Variants in UBE2E1 observed in about 807,000 individuals in gnomAD.
The protein encoded by UBE2E1 is ubiquitin conjugating enzyme E2 E1, also known as ubiquitin-conjugating enzyme E2 E1.
UBE2E1 carries 6 observed loss-of-function variants against 21.4 expected under a neutral mutation model. That is an observed-to-expected ratio of 0.28 (90% CI 0.15 to 0.55). UBE2E1 has a LOEUF of 0.55. UBE2E1 is among the 20% of genes least tolerant of loss of function. The pLI is 0.93. For missense variants in UBE2E1, 142 were observed against 236.5 expected (o/e 0.60, Z 2.62); for synonymous variants, 87 against 82.7 (o/e 1.05, Z -0.28).
chr3:23,856,609 C>T (rs1445584756), intron 3 of UBE2E1, among the ~76,000 whole-genome samples: 3 of 152,172 alleles, frequency 2.0e-5, no homozygotes, highest in Non-Finnish European at 4.4e-5. Flanking sequence ...AGTAAAGCCA[C>T]TATGGACCTC....
intron 3 of UBE2E1, among the ~76,000 whole-genome samples, chr3:23,825,494 T>C (rs923756705): frequency 6.6e-6 from 1 of 152,168 alleles, no homozygotes; most frequent in Non-Finnish European, 1.5e-5. Context: ...ATTTTATTCA[T>C]ATAGAGGGAG....
intron 3 of UBE2E1, among the ~76,000 whole-genome samples, chr3:23,846,296 C>T (rs1700201596): frequency 6.6e-6 from 1 of 152,066 alleles, no homozygotes. Context: ...GGTGCAGTGG[C>T]CCATTCCTGT....
chr3:23,827,176 T>TA lies in UBE2E1; in HGVS notation c.203+15674dup, dbSNP rs551604531. Among the ~76,000 whole-genome samples the TA allele has an allele frequency of 1.5e-3, 230 of 151,306 alleles. 1 individual carries two copies. Among genetic ancestry groups the TA allele is most frequent in the African/African-American group, 5.2e-3 (214 of 41,222 alleles). ...CTCAAAGGGAAAAACCACCAAATAA[T>TA]AAAAAAAATCAAAATACAAAAAAAA... On this transcript the variant is annotated intron_variant, in intron 3 of 5. Transcript: ENST00000306627.
chr3:23,889,642 A>G (rs1449104242), intron 5 of UBE2E1: 1 of 985,370 alleles, frequency 1.0e-6, no homozygotes, highest in Middle Eastern at 5.2e-4. Context: ...GGGTTCAGTG[A>G]GCATGTGTCC....
chr3:23,822,099 G>A (rs1699657827), intron 3 of UBE2E1, among the ~76,000 whole-genome samples: 2 of 152,148 alleles, frequency 1.3e-5, no homozygotes, highest in South Asian at 4.1e-4. Flanking sequence ...AGAGAGTGTG[G>A]TATTAGAAAG....
intron 3 of UBE2E1, among the ~76,000 whole-genome samples, chr3:23,822,483 C>T (rs1455008839): frequency 2.6e-5 from 4 of 151,928 alleles, no homozygotes; most frequent in Non-Finnish European, 5.9e-5. Flanking sequence ...CTGATCTCCC[C>T]TCTTTCCTCA....
chr3:23,881,684 A>G (rs1701044672), intron 3 of UBE2E1, among the ~76,000 whole-genome samples: 1 of 152,212 alleles, frequency 6.6e-6, no homozygotes, highest in African/African-American at 2.4e-5. Context: ...TATGAAATGT[A>G]CTTTTCTGCT....
intron 3 of UBE2E1, among the ~76,000 whole-genome samples, chr3:23,850,652 A>T (rs186989529): frequency 2.0e-5 from 3 of 146,868 alleles, no homozygotes; most frequent in Non-Finnish European, 3.0e-5. Context: ...GACTACATGC[A>T]TGCACCACTG....
chr3:23,884,544 T>A (rs920616845), intron 3 of UBE2E1, among the ~76,000 whole-genome samples: 1 of 152,126 alleles, frequency 6.6e-6, no homozygotes, highest in Non-Finnish European at 1.5e-5. Context: ...AATCACCAAT[T>A]TTCTGTACAA....
chr3:23,839,938 C>G (rs1369861947), intron 3 of UBE2E1, among the ~76,000 whole-genome samples: 1 of 151,754 alleles, frequency 6.6e-6, no homozygotes, highest in Non-Finnish European at 1.5e-5. Flanking sequence ...ATTTCTTGTG[C>G]TTGGTGTTTG....
At chr3:23,825,548 A>C (rs1304445833) in intron 3 of UBE2E1, among the ~76,000 whole-genome samples, 1 of 152,270 alleles carries the variant, frequency 6.6e-6, no homozygotes, top group Non-Finnish European at 1.5e-5. Context: ...TTCAGAAAAC[A>C]GTACCAAGAA....
intron 3 of UBE2E1, among the ~76,000 whole-genome samples, chr3:23,886,327 T>G (rs1701183220): frequency 6.6e-6 from 1 of 152,252 alleles, no homozygotes; most frequent in Admixed American, 6.5e-5. Flanking sequence ...GGTGTGTTGC[T>G]CTACAGTTTC....
intron 3 of UBE2E1, among the ~76,000 whole-genome samples, chr3:23,846,761 A>G (rs1700213827): frequency 6.6e-6 from 1 of 151,262 alleles, no homozygotes; most frequent in South Asian, 2.1e-4. Flanking sequence ...TTTAAGCTGT[A>G]TTTAATAAGT....
intron 3 of UBE2E1, among the ~76,000 whole-genome samples, chr3:23,827,596 C>A (rs1240526711): frequency 3.3e-5 from 5 of 152,150 alleles, no homozygotes; most frequent in Non-Finnish European, 7.4e-5. Flanking sequence ...GCCTTCAAAG[C>A]CTAACCATTA....
Position 23,818,339 on chromosome 3 carries a change from A to T in UBE2E1, c.203+6829A>T, listed in dbSNP as rs150066091. On this transcript the variant is annotated intron_variant, in intron 3 of 5. Coordinates refer to ENST00000306627, the MANE Select transcript of UBE2E1 (RefSeq NM_003341.5). ...ATATATTTGAGTTTATTATTAAATC[A>T]GTCATTGAACTCCCAGATCTACATG... Among the ~76,000 whole-genome samples, 4 of 152,326 alleles carry T rather than the reference A, an allele frequency of 2.6e-5. No individual in the cohort carries two copies. The East Asian group carries it at 7.7e-4, about 29-fold the overall frequency.
In UBE2E1 at chr3:23,853,955, C is replaced by T. The variant is rs756417810; in HGVS notation, c.204-33612C>T. Among the ~76,000 whole-genome samples the T allele has an allele frequency of 6.6e-6, 1 of 152,108 alleles. No individual in the cohort carries two copies. The highest frequency in any genetic ancestry group is 1.5e-5 in the Non-Finnish European group (1 of 68,010). ...GGTGATAGGCTGACCCAAGCCCAGG[C>T]CCATCAGAATGCTTTATCTTGGTCA... On this transcript the variant is annotated intron_variant, in intron 3 of 5. Transcript: ENST00000306627. This position sits in a 1 kb window ranked among gnomAD's most constrained non-coding sequence, Gnocchi z 4.1.
intron 3 of UBE2E1, among the ~76,000 whole-genome samples, chr3:23,828,839 A>G (rs1699807863): frequency 6.6e-6 from 1 of 152,198 alleles, no homozygotes; most frequent in Admixed American, 6.5e-5. Context: ...TGTTTTCCTC[A>G]GATTTGTCTC....
At chr3:23,840,624 G>T (rs1002467908) in intron 3 of UBE2E1, among the ~76,000 whole-genome samples, 1 of 152,130 alleles carries the variant, frequency 6.6e-6, no homozygotes, top group Non-Finnish European at 1.5e-5. Context: ...CTGACTAATG[G>T]CAATGCAAAC....
At chr3:23,877,742 G>GA (rs1161842776) in intron 3 of UBE2E1, among the ~76,000 whole-genome samples, 12 of 152,190 alleles carry the variant, frequency 7.9e-5, no homozygotes, top group African/African-American at 2.9e-4. Flanking sequence ...GACAAAAGGA[G>GA]AATAGGCATG....
Sources: allele counts gnomAD v4.1 joint callset (sites outside exome capture counted in the v4.1 genomes callset), GRCh38; gene constraint gnomAD v4.1.1; non-coding constraint Gnocchi (gnomAD v3.1); transcripts MANE v1.5; gene names NCBI Gene and HGNC (gene_info 2026-07-23, HGNC 2026-07-21).